Variants in KCNQ5 observed in about 807,000 individuals in gnomAD.
The protein encoded by KCNQ5 is potassium voltage-gated channel subfamily Q member 5.
A neutral mutation model predicts 98.2 loss-of-function variants in KCNQ5; 30 were observed. The observed-to-expected ratio is 0.31, with a 90% CI of 0.23 to 0.41. The LOEUF is 0.41. Among genes scored for constraint, KCNQ5 ranks in the 10% least tolerant of loss-of-function variants. The pLI is 1.00. For synonymous variants in KCNQ5, 458 were observed against 449.4 expected, an observed-to-expected ratio of 1.02 and a Z score of -0.24; for missense variants, 835 against 1,182.5, an observed-to-expected ratio of 0.71 and a Z score of 4.31.
At chr6:72,831,482 A>G (rs1156535101) in intron 1 of KCNQ5, among the ~76,000 whole-genome samples, 2 of 151,952 alleles carry the variant, frequency 1.3e-5, no homozygotes, top group East Asian at 3.9e-4. Context: ...CGCAAGGACA[A>G]AAAAACAAAC....
intron 3 of KCNQ5, chr6:73,055,087 G>C: frequency 1.4e-6 from 1 of 709,820 alleles, no homozygotes; most frequent in Non-Finnish European, 2.6e-6. Context: ...TATCCCCCAA[G>C]CCTGCCACCA....
At chr6:73,139,317 G>T (rs1272758295) in intron 10 of KCNQ5, among the ~76,000 whole-genome samples, 1 of 152,226 alleles carries the variant, frequency 6.6e-6, no homozygotes, top group African/African-American at 2.4e-5. Flanking sequence ...GGACCCAGCA[G>T]CTGGATCTCG....
Position 72,710,422 on chromosome 6 carries a change from C to G in KCNQ5, c.398+87835C>G, listed in dbSNP as rs138691847. On this transcript the variant is annotated intron_variant, in intron 1 of 13. Coordinates refer to ENST00000370398, the MANE Select transcript of KCNQ5 (RefSeq NM_019842.4). ...TTTAAAAAGCAAAACAAAACAAGACCCAACTGTATGCTGCCTACAAGAGAC... is the reference window on the plus strand; with the variant it reads ...TTTAAAAAGCAAAACAAAACAAGACGCAACTGTATGCTGCCTACAAGAGAC... Among the ~76,000 whole-genome samples, 75 of 152,104 alleles carry G rather than the reference C, an allele frequency of 4.9e-4. 2 individuals are homozygous for G. In the East Asian group the frequency reaches 0.014, roughly 28 times the overall value.
At chr6:72,894,279 G>A (rs1299792704) in intron 1 of KCNQ5, among the ~76,000 whole-genome samples, 1 of 152,160 alleles carries the variant, frequency 6.6e-6, no homozygotes, top group Non-Finnish European at 1.5e-5. Flanking sequence ...CATTTAAAGA[G>A]GAAGTAATCT....
intron 1 of KCNQ5, among the ~76,000 whole-genome samples, chr6:72,811,736 A>G (rs1157212435): frequency 1.3e-5 from 2 of 152,146 alleles, no homozygotes; most frequent in Admixed American, 1.3e-4. Flanking sequence ...TGTTACCGGA[A>G]AGGGTCCCAG....
chr6:72,742,329 T>C (rs750133031), intron 1 of KCNQ5, among the ~76,000 whole-genome samples: 4 of 152,250 alleles, frequency 2.6e-5, no homozygotes, highest in African/African-American at 9.6e-5. Flanking sequence ...CCTTGTGTAA[T>C]AGATGCTTTT....
intron 1 of KCNQ5, among the ~76,000 whole-genome samples, chr6:72,807,706 G>T (rs1218648443): frequency 6.6e-6 from 1 of 152,050 alleles, no homozygotes; most frequent in Non-Finnish European, 1.5e-5. Flanking sequence ...TAGAGACAGG[G>T]TCTCAATATG....
chr6:72,979,936 C>A (rs1768353394), intron 1 of KCNQ5, among the ~76,000 whole-genome samples: 1 of 152,132 alleles, frequency 6.6e-6, no homozygotes, highest in Admixed American at 6.5e-5. Context: ...ATAGGGAATT[C>A]TTTCCCCATT....
intron 2 of KCNQ5, among the ~76,000 whole-genome samples, chr6:73,020,269 C>T (rs549826092): frequency 8.5e-5 from 13 of 152,284 alleles, no homozygotes; most frequent in Non-Finnish European, 1.3e-4. Flanking sequence ...AACCAATCAA[C>T]TATAGATCAG....
intron 2 of KCNQ5, among the ~76,000 whole-genome samples, chr6:73,019,902 G>A (rs761131378): frequency 1.3e-5 from 2 of 151,900 alleles, no homozygotes; most frequent in Non-Finnish European, 2.9e-5. Context: ...TATAACATTG[G>A]GATCATTCTG....
intron 10 of KCNQ5, among the ~76,000 whole-genome samples, chr6:73,152,764 T>C (rs1049103357): frequency 9.2e-5 from 14 of 152,212 alleles, no homozygotes; most frequent in Admixed American, 2.6e-4. Context: ...TCAACCACTT[T>C]TGGGGGAATT....
Position 73,050,316 on chromosome 6 carries a change from G to A in KCNQ5, c.616+8254G>A, listed in dbSNP as rs372844952. Among the ~76,000 whole-genome samples the A allele has an allele frequency of 3.4e-4, 25 of 72,538 alleles. No homozygotes were observed. In the East Asian group the frequency reaches 4.1e-3, roughly 12 times the overall value. 47.6% of individuals were successfully genotyped at this position (72,538 alleles called of 152,430 possible). A position where few individuals can be genotyped will look rare whatever the true frequency, so the allele number is the denominator to read the frequency against. On this transcript the variant is annotated intron_variant, in intron 3 of 13. Coordinates refer to ENST00000370398, the MANE Select transcript of KCNQ5 (RefSeq NM_019842.4). The stretch of plus-strand genomic sequence containing the variant: ...GAAGGAAGGAAGGAAGGAAGGGAGG[G>A]AAGAAGGAAGGAAGGGAGGGAGGGA...
At chr6:72,788,165 AT>A (rs1342317134) in intron 1 of KCNQ5, among the ~76,000 whole-genome samples, 1 of 152,300 alleles carries the variant, frequency 6.6e-6, no homozygotes, top group Non-Finnish European at 1.5e-5. Flanking sequence ...TACAGGAGGA[AT>A]TTTGTAGACT....
rs115521628 is a variant in KCNQ5 at position 73,166,037 on chromosome 6, G to T, written c.1469-3709G>T. Among the ~76,000 whole-genome samples, 626 of 152,288 alleles carry T rather than the reference G, an allele frequency of 4.1e-3. 3 individuals carry two copies. Among genetic ancestry groups the T allele is most frequent in the African/African-American group, 0.014 (586 of 41,560 alleles). On this transcript the variant is annotated intron_variant, in intron 10 of 13. Coordinates refer to ENST00000370398, the MANE Select transcript of KCNQ5 (RefSeq NM_019842.4). The stretch of plus-strand genomic sequence containing the variant: ...ACAGCTCCAGAACCCAACTGCTGGG[G>T]TTAAAGTTCTCATTCTGTCATTTAT...
chr6:72,799,139 T>C (rs1211568525), intron 1 of KCNQ5, among the ~76,000 whole-genome samples: 1 of 152,076 alleles, frequency 6.6e-6, no homozygotes, highest in Non-Finnish European at 1.5e-5. Context: ...GGAATTTGCT[T>C]GCTTACACAA....
At chr6:73,018,721 A>G (rs545548839) in intron 2 of KCNQ5, among the ~76,000 whole-genome samples, 2 of 152,314 alleles carry the variant, frequency 1.3e-5, no homozygotes, top group South Asian at 4.1e-4. Flanking sequence ...TTATGCAAAT[A>G]CAGTCAATCT....
intron 1 of KCNQ5, among the ~76,000 whole-genome samples, chr6:72,895,346 G>C (rs1779209904): frequency 6.6e-6 from 1 of 150,588 alleles, no homozygotes; most frequent in Admixed American, 6.6e-5. Context: ...TCCCAGTTAG[G>C]AACCACTACC....
chr6:72,643,186 T>C (rs9342960), intron 1 of KCNQ5, among the ~76,000 whole-genome samples: 64,665 of 151,888 alleles, frequency 0.43, 16,419 homozygotes, highest in Middle Eastern at 0.67. Flanking sequence ...GGTAACAAAA[T>C]AAATCTGTAC....
At chr6:73,134,877 T>C (rs1041014745) in intron 10 of KCNQ5, 1 of 152,322 alleles carries the variant, frequency 6.6e-6, no homozygotes, top group Non-Finnish European at 1.5e-5. Flanking sequence ...GAGTCACTTG[T>C]GGCACAGCTT....
Sources: gnomAD v4.1 joint callset for allele counts (sites outside exome capture counted in the v4.1 genomes callset) on GRCh38, gnomAD v4.1.1 for gene constraint, MANE v1.5 for transcripts, NCBI Gene and HGNC (gene_info 2026-07-23, HGNC 2026-07-21) for gene names.